Variants in PIK3CD observed in about 807,000 individuals in gnomAD.
The protein encoded by PIK3CD is phosphatidylinositol-4,5-bisphosphate 3-kinase catalytic subunit delta.
In PIK3CD, 20 loss-of-function variants were observed where a neutral mutation model predicts 122.9. That is an observed-to-expected ratio of 0.16 (90% CI 0.11 to 0.24). PIK3CD has a LOEUF of 0.24. PIK3CD is among the 10% of genes least tolerant of loss of function. The probability of loss-of-function intolerance (pLI) is 1.00; values close to 1 mark genes in which losing one functional copy is unlikely to be tolerated. For synonymous variants in PIK3CD, 596 were observed against 593.4 expected, an observed-to-expected ratio of 1.00 and a Z score of -0.06; for missense variants, 787 against 1,406.3, an observed-to-expected ratio of 0.56 and a Z score of 7.04.
chr1:9,715,008 TA>T lies in PIK3CD; in HGVS notation c.142-524del, dbSNP rs547327557. Among the ~76,000 whole-genome samples the T allele has an allele frequency of 1.3e-5, 2 of 150,326 alleles. No individual in the cohort carries two copies. The highest frequency in any genetic ancestry group is 6.6e-5 in the Admixed American group (1 of 15,076). ...CAATGTAGCGAAACCCCATCTCTAC[TA>T]AAAAAAAATACAAAAAATTTAGCCA... On this transcript the variant is annotated intron_variant, in intron 3 of 23. Transcript: ENST00000377346. The surrounding 1 kb of genome is among the most constrained non-coding windows in gnomAD (Gnocchi z 4.1).
chr1:9,639,157 C>G, the PIK3CD span, among the ~76,000 whole-genome samples: 8 of 152,180 alleles, frequency 5.3e-5, no homozygotes, highest in Non-Finnish European at 1.0e-4. Flanking sequence ...AACCTTCTCC[C>G]TCTCCTGCAT....
At chr1:9,653,235 G>A (rs906727847) in intron 1 of PIK3CD, 1 of 157,726 alleles carries the variant, frequency 6.3e-6, no homozygotes, top group Non-Finnish European at 1.4e-5. Context: ...CCGCCCGGGT[G>A]CCTGACGGTG....
At position 9,710,161 on chromosome 1, in the gene PIK3CD, C is replaced by A; in HGVS notation, c.-32-263C>A. 2.2e-6 allele frequency: 1 copy of A among 453,710 alleles called. No homozygotes were observed. Among genetic ancestry groups the A allele is most frequent in the South Asian group, 2.1e-5 (1 of 48,372 alleles). The allele number at this position is 453,710 out of a possible 1,614,324, so 28.1% of individuals were successfully genotyped here. A position where few individuals can be genotyped will look rare whatever the true frequency, so the allele number is the denominator to read the frequency against. On this transcript the variant is annotated intron_variant, in intron 2 of 23. Coordinates refer to ENST00000377346, the MANE Select transcript of PIK3CD (RefSeq NM_005026.5). This position sits in a 1 kb window ranked among gnomAD's most constrained non-coding sequence, Gnocchi z 4.7. The stretch of plus-strand genomic sequence containing the variant: ...TATGTTCCTGAGGAAAGATGATTTG[C>A]TGTGCGTGCTCCTGTGGGGAGGACA...
rs369432030 is a variant in PIK3CD, at chr1:9,652,002, G to A, written c.-138+200G>A. On this transcript the variant is annotated intron_variant, in intron 1 of 23. Coordinates refer to ENST00000377346, the MANE Select transcript of PIK3CD (RefSeq NM_005026.5). The surrounding 1 kb of genome is among the most constrained non-coding windows in gnomAD (Gnocchi z 6.2). Reference sequence around the variant, plus strand: ...TGGGAGCCCCGGGGGCCGGGCTGCTGGGACCTGGGCGGGGGCTGCCCTAGA... The same window carrying A: ...TGGGAGCCCCGGGGGCCGGGCTGCTAGGACCTGGGCGGGGGCTGCCCTAGA... 5.1e-4 allele frequency among the ~76,000 whole-genome samples: 77 copies of A among 151,980 alleles called. No homozygotes were observed. In the East Asian group the frequency reaches 0.014, roughly 28 times the overall value.
At chr1:9,695,743 G>A (rs1646387357) in intron 2 of PIK3CD, among the ~76,000 whole-genome samples, 1 of 151,774 alleles carries the variant, frequency 6.6e-6, no homozygotes, top group Non-Finnish European at 1.5e-5. Flanking sequence ...TTGGGAGGCT[G>A]AGGCAGGAGA....
the PIK3CD span, among the ~76,000 whole-genome samples, chr1:9,631,669 G>GA: frequency 3.3e-5 from 5 of 151,648 alleles, no homozygotes; most frequent in Non-Finnish European, 7.4e-5. Flanking sequence ...CTCCAACTCA[G>GA]AAAAAAAAGG....
chr1:9,668,569 G>A (rs1231658558), intron 1 of PIK3CD, among the ~76,000 whole-genome samples: 3 of 151,574 alleles, frequency 2.0e-5, no homozygotes, highest in Non-Finnish European at 2.9e-5. Context: ...TGATGCACCC[G>A]TCACCCAAGC....
At chr1:9,658,781 C>T (rs950622966) in intron 1 of PIK3CD, among the ~76,000 whole-genome samples, 16 of 152,238 alleles carry the variant, frequency 1.1e-4, no homozygotes, top group African/African-American at 2.9e-4. Context: ...CTACCTGCCT[C>T]GGCCTCCCAA....
chr1:9,720,213 C>T lies in PIK3CD; in HGVS notation c.1441C>T (p.His481Tyr), dbSNP rs763164485. 6.2e-7 allele frequency: 1 copy of T among 1,610,668 alleles called. No individual in the cohort carries two copies. The highest frequency in any genetic ancestry group is 2.2e-5 in the East Asian group (1 of 44,790). The change falls in exon 11 of 24, where the codon CAC (histidine) becomes TAC (tyrosine). Residue 481 changes from histidine (H) to tyrosine (Y), a missense_variant. Coordinates refer to ENST00000377346, the MANE Select transcript of PIK3CD (RefSeq NM_005026.5). This position sits in a 1 kb window ranked among gnomAD's most constrained non-coding sequence, Gnocchi z 9.0. ...LLICLPEVAP[H>Y]PVYYPALEKI... ...CATCTGCCTGCCCGAGGTGGCCCCG[C>T]ACCCCGTGTACTACCCCGCCCTGGA...
rs988489582 is a variant in PIK3CD, at chr1:9,723,081, C to T, written c.2427-44C>T. ...GGGGCTCAAGTGGCCTCAGGGACAG[C>T]CCTTGACCATGCCATTTGCCCGTCC... On this transcript the variant is annotated intron_variant, in intron 19 of 23. Transcript: ENST00000377346. This position sits in a 1 kb window ranked among gnomAD's most constrained non-coding sequence, Gnocchi z 4.9. The T allele has an allele frequency of 3.1e-6, 5 of 1,600,298 alleles. No homozygotes were observed. The highest frequency in any genetic ancestry group is 1.7e-5 in the Admixed American group (1 of 59,988).
chr1:9,709,411 G>GA lies in PIK3CD; in HGVS notation c.-32-1010dup, dbSNP rs540137805. On this transcript the variant is annotated intron_variant, in intron 2 of 23. Coordinates refer to ENST00000377346, the MANE Select transcript of PIK3CD (RefSeq NM_005026.5). ...TTTTAAGCCTTTTGGTTTCTAGTCA[G>GA]AAAGTTTCAGAGAGGCTGGATATGG... Among the ~76,000 whole-genome samples the GA allele has an allele frequency of 1.5e-4, 23 of 151,134 alleles. No individual in the cohort carries two copies. The East Asian group carries it at 4.0e-3, about 26-fold the overall frequency.
intron 23 of PIK3CD, among the ~76,000 whole-genome samples, chr1:9,725,747 C>T (rs537917910): frequency 6.6e-5 from 10 of 150,766 alleles, no homozygotes; most frequent in Admixed American, 4.0e-4. Context: ...TGTGGTGGCA[C>T]GCACCTGTAA....
the PIK3CD span, among the ~76,000 whole-genome samples, chr1:9,628,402 C>T: frequency 6.6e-6 from 1 of 152,238 alleles, no homozygotes; most frequent in East Asian, 1.9e-4. Flanking sequence ...CTCAAACACT[C>T]ACATTTTATG....
intron 1 of PIK3CD, among the ~76,000 whole-genome samples, chr1:9,674,536 A>G (rs1469885413): frequency 6.6e-6 from 1 of 151,800 alleles, no homozygotes; most frequent in African/African-American, 2.4e-5. Flanking sequence ...CTAAAAATAC[A>G]AAAATTAGCC....
At chr1:9,725,003 C>G in intron 23 of PIK3CD, 67 bp downstream of exon 23, 2 of 1,587,498 alleles carry the variant, frequency 1.3e-6, no homozygotes, top group Non-Finnish European at 1.7e-6. Flanking sequence ...GCAATGTGAC[C>G]TAGGAGGGCC....
At chr1:9,630,977 T>C in the PIK3CD span, among the ~76,000 whole-genome samples, 1 of 152,178 alleles carries the variant, frequency 6.6e-6, no homozygotes, top group East Asian at 1.9e-4. Context: ...AGCCTCACCC[T>C]GCACACCGGG....
rs1340942614 is a variant in PIK3CD, at chr1:9,715,585, C to G, written c.186C>G (p.Leu62=). 1.3e-5 allele frequency: 21 copies of G among 1,613,780 alleles called. No homozygotes were observed. The highest frequency in any genetic ancestry group is 1.7e-5 in the Non-Finnish European group (20 of 1,180,040). The part of the protein sequence containing the change: ...RAQYEPLFHM[L]SGPEAYVFTC... ...AGTATGAGCCGCTCTTCCACATGCT[C>G]AGTGGCCCCGAGGCCTATGTGTTCA... is the stretch of plus-strand genomic sequence containing the variant. Residue 62 remains leucine, a synonymous_variant, in exon 4 of 24, where the codon CTC becomes CTG. Transcript: ENST00000377346. This position sits in a 1 kb window ranked among gnomAD's most constrained non-coding sequence, Gnocchi z 4.1.
chr1:9,681,890 C>T (rs1377458180), intron 1 of PIK3CD, among the ~76,000 whole-genome samples: 2 of 152,094 alleles, frequency 1.3e-5, no homozygotes, highest in East Asian at 3.9e-4. Context: ...ACTGCAGTCT[C>T]CCCGGGACTT....
rs1175290798 is a variant in PIK3CD at position 9,721,216 on chromosome 1, C to G, written c.1779C>G (p.Gly593=). The change falls in exon 14 of 24, where the codon GGC becomes GGG. Residue 593 remains glycine, a synonymous_variant. Transcript: ENST00000377346. ...TCAGCTTCCCCGATTGCCACGTAGGCTCCTTCGCCATCAAGTCGCTGCGGA... is the reference window on the plus strand; with the variant it reads ...TCAGCTTCCCCGATTGCCACGTAGGGTCCTTCGCCATCAAGTCGCTGCGGA... ...LDFSFPDCHV[G]SFAIKSLRKL... The G allele has an allele frequency of 6.2e-7, 1 of 1,613,448 alleles. No homozygotes were observed. Among genetic ancestry groups the G allele is most frequent in the Non-Finnish European group, 8.5e-7 (1 of 1,179,970 alleles).
Sources: gnomAD v4.1 joint callset for allele counts (sites outside exome capture counted in the v4.1 genomes callset) on GRCh38, gnomAD v4.1.1 for gene constraint, Gnocchi (gnomAD v3.1) non-coding constraint, MANE v1.5 for transcripts, NCBI Gene and HGNC (gene_info 2026-07-23, HGNC 2026-07-21) for gene names.